The following MANBA variants were observed in gnomAD, a reference collection of about 807,000 sequenced individuals.
MANBA encodes mannosidase beta, also known as beta-mannosidase.
Under a neutral mutation model 111.1 loss-of-function variants are expected in MANBA, and 83 were observed. The observed-to-expected ratio is 0.75, with a 90% confidence interval of 0.63 to 0.90. The LOEUF (loss-of-function observed/expected upper bound fraction) is 0.90, where lower values mean the gene tolerates loss of function less well. Among genes scored for constraint, MANBA ranks in the 40% least tolerant of loss-of-function variants. MANBA has a pLI of 0.00. For missense variants in MANBA, 1,036 were observed against 1,069.0 expected, an observed-to-expected ratio of 0.97 and a Z score of 0.43; for synonymous variants, 370 against 378.7, an observed-to-expected ratio of 0.98 and a Z score of 0.27.
At chr4:102,662,620 G>A (rs190730678) in intron 11 of MANBA, 40 of 156,456 alleles carry the variant, frequency 2.6e-4, no homozygotes, top group South Asian at 2.2e-3. Flanking sequence ...ACGATGACAC[G>A]CAAAGGGAAA....
rs987115592 is a variant in MANBA at position 102,713,896 on chromosome 4, CAAAAAAA to C, written c.673+535_673+541del. ...GGGCAACAAGAGTGAAACTCCATCTCAAAAAAAAAAAAAAAAAAAGAAAAGAAAAGAA... is the reference window on the plus strand; with the variant it reads ...GGGCAACAAGAGTGAAACTCCATCTCAAAAAAAAAAAAGAAAAGAAAAGAA... On this transcript the variant is annotated intron_variant, in intron 5 of 16. Coordinates refer to ENST00000647097, the MANE Select transcript of MANBA (RefSeq NM_005908.4). 7.3e-5 allele frequency among the ~76,000 whole-genome samples: 5 copies of C among 68,448 alleles called. No homozygotes were observed. The South Asian group carries it at 2.1e-3, about 29-fold the overall frequency. The allele number at this position is 68,448 out of a possible 152,430, so 44.9% of individuals were successfully genotyped here. A position where few individuals can be genotyped will look rare whatever the true frequency, so the allele number is the denominator to read the frequency against.
At chr4:102,690,927 T>A (rs1187227329) in intron 5 of MANBA, 156 bp from the exon 6 acceptor site, 1 of 229,914 alleles carries the variant, frequency 4.3e-6, no homozygotes, top group East Asian at 9.3e-5. Context: ...TCGTGGAAAT[T>A]TTCTTTTAAT....
intron 9 of MANBA, chr4:102,670,826 A>G (rs1024171684): frequency 6.4e-6 from 1 of 156,348 alleles, no homozygotes; most frequent in Admixed American, 6.4e-5. Flanking sequence ...AGATTGCACC[A>G]TTGCACTCCA....
intron 1 of MANBA, chr4:102,729,100 G>A (rs576857602): frequency 2.9e-5 from 22 of 747,484 alleles, no homozygotes; most frequent in African/African-American, 1.0e-4. Flanking sequence ...GCTGCAGGGC[G>A]GCCTCCAGCT....
At chr4:102,641,463 G>C (rs1468874612) in intron 13 of MANBA, among the ~76,000 whole-genome samples, 4 of 152,222 alleles carry the variant, frequency 2.6e-5, no homozygotes, top group Non-Finnish European at 5.9e-5. Context: ...GGAAGGGCTT[G>C]CAAGGGGGCT....
At chr4:102,730,864 T>C (rs1723007866) in intron 1 of MANBA, 2 of 349,488 alleles carry the variant, frequency 5.7e-6, no homozygotes, top group Admixed American at 3.8e-5. Flanking sequence ...ATAAACAGCC[T>C]ACCCGCTTCC....
chr4:102,715,798 T>G (rs1216466610), intron 4 of MANBA, among the ~76,000 whole-genome samples: 24 of 152,220 alleles, frequency 1.6e-4, no homozygotes, highest in Non-Finnish European at 1.6e-4. Context: ...ATATCCAATA[T>G]ATCTATGTTG....
intron 12 of MANBA, among the ~76,000 whole-genome samples, chr4:102,652,517 C>T (rs899367094): frequency 6.6e-6 from 1 of 152,048 alleles, no homozygotes; most frequent in Admixed American, 6.6e-5. Flanking sequence ...CCAGAAAGAA[C>T]TGGAAATGGC....
intron 5 of MANBA, among the ~76,000 whole-genome samples, chr4:102,697,333 T>G (rs919941658): frequency 7.2e-5 from 11 of 151,986 alleles, no homozygotes; most frequent in Non-Finnish European, 1.3e-4. Flanking sequence ...TAAGCAAGAC[T>G]GACAAATCTT....
chr4:102,682,547 C>T (rs1053098728), intron 7 of MANBA, among the ~76,000 whole-genome samples: 4 of 152,184 alleles, frequency 2.6e-5, no homozygotes, highest in African/African-American at 7.2e-5. Flanking sequence ...GGACAGTGTA[C>T]TGGGTTGAAC....
chr4:102,657,190 A>G (rs955487342), intron 12 of MANBA, among the ~76,000 whole-genome samples: 29 of 119,166 alleles, frequency 2.4e-4, no homozygotes, highest in African/African-American at 8.3e-4. Context: ...ACACACCAAC[A>G]TGATGAAAAA....
intron 8 of MANBA, 54 bp downstream of exon 8, chr4:102,673,865 C>T (rs1731605078): frequency 6.6e-7 from 1 of 1,513,036 alleles, no homozygotes; most frequent in Non-Finnish European, 9.2e-7. Context: ...AAACCTCAAG[C>T]TTTGCGGGAC....
intron 1 of MANBA, chr4:102,727,378 C>T: frequency 2.5e-6 from 2 of 809,038 alleles, no homozygotes; most frequent in South Asian, 1.5e-5. Flanking sequence ...ATCTTTACTT[C>T]TTGCTGCTCA....
At chr4:102,650,045 C>A (rs556798698) in intron 13 of MANBA, among the ~76,000 whole-genome samples, 1 of 152,272 alleles carries the variant, frequency 6.6e-6, no homozygotes, top group South Asian at 2.1e-4. Flanking sequence ...CCATGCTCAA[C>A]AATCAAATTA....
chr4:102,652,446 C>T (rs1224167777), intron 12 of MANBA, among the ~76,000 whole-genome samples: 2 of 152,142 alleles, frequency 1.3e-5, no homozygotes, highest in Non-Finnish European at 2.9e-5. Flanking sequence ...ACGTGGGAGG[C>T]TTTCTACCTT....
At chr4:102,633,442 T>C in intron 16 of MANBA, 1 of 398,628 alleles carries the variant, frequency 2.5e-6, no homozygotes, top group Non-Finnish European at 4.4e-6. Flanking sequence ...TCTGTATGTC[T>C]GACTGCAGAG....
intron 1 of MANBA, among the ~76,000 whole-genome samples, chr4:102,738,596 A>G (rs1284520038): frequency 2.6e-5 from 4 of 152,230 alleles, no homozygotes; most frequent in African/African-American, 7.2e-5. Context: ...AAAACAATCT[A>G]AACAGTAACC....
At chr4:102,650,444 G>C in intron 13 of MANBA, 93 bp downstream of exon 13, 2 of 1,288,462 alleles carry the variant, frequency 1.6e-6, no homozygotes, top group Admixed American at 3.5e-5. Context: ...ATGAAAACCT[G>C]AATATTTTTC....
At chr4:102,694,140 G>A (rs1180301793) in intron 5 of MANBA, among the ~76,000 whole-genome samples, 2 of 152,126 alleles carry the variant, frequency 1.3e-5, no homozygotes, top group African/African-American at 4.8e-5. Flanking sequence ...AACTTGGAAG[G>A]TTCTCGAGCA....
Sources: gnomAD v4.1 joint callset for allele counts (sites outside exome capture counted in the v4.1 genomes callset) on GRCh38, gnomAD v4.1.1 for gene constraint, MANE v1.5 for transcripts, NCBI Gene and HGNC (gene_info 2026-07-23, HGNC 2026-07-21) for gene names.